BMPR2: variants seen among roughly 807,000 people sequenced by gnomAD.
The protein encoded by BMPR2 is bone morphogenetic protein receptor type-2.
BMPR2 carries 29 observed loss-of-function variants against 100.8 expected under a neutral mutation model. The observed-to-expected ratio is 0.29, with a 90% confidence interval of 0.21 to 0.39. The LOEUF is 0.39. Ranked by LOEUF, BMPR2 falls within the 10% of genes least tolerant of loss-of-function variation. The pLI is 1.00. For synonymous variants in BMPR2, 382 were observed against 442.3 expected (o/e 0.86, Z 1.71); for missense variants, 1,011 against 1,274.5 (o/e 0.79, Z 3.15).
At chr2:202,391,670 T>C (rs944885205) in intron 1 of BMPR2, among the ~76,000 whole-genome samples, 1 of 150,908 alleles carries the variant, frequency 6.6e-6, no homozygotes, top group African/African-American at 2.4e-5. Context: ...CACTGCAGCG[T>C]CTGCCTCCCA....
chr2:202,418,828 A>G (rs571331088), intron 1 of BMPR2, among the ~76,000 whole-genome samples: 2 of 152,336 alleles, frequency 1.3e-5, no homozygotes, highest in South Asian at 4.1e-4. Context: ...CCAGACTGTT[A>G]GTGGATTCTC....
At chr2:202,506,125 A>G (rs1687516048) in intron 3 of BMPR2, among the ~76,000 whole-genome samples, 1 of 151,512 alleles carries the variant, frequency 6.6e-6, no homozygotes, top group African/African-American at 2.4e-5. Context: ...GAGAACAGAA[A>G]GATAGATCCT....
At chr2:202,412,016 A>G (rs893556783) in intron 1 of BMPR2, among the ~76,000 whole-genome samples, 2 of 152,142 alleles carry the variant, frequency 1.3e-5, no homozygotes, top group African/African-American at 2.4e-5. Context: ...GTCAGTGTAC[A>G]TTTCCTGGTT....
At chr2:202,529,328 T>C (rs1395877009) in intron 7 of BMPR2, among the ~76,000 whole-genome samples, 1 of 152,242 alleles carries the variant, frequency 6.6e-6, no homozygotes, top group Non-Finnish European at 1.5e-5. Flanking sequence ...GCAAAATTAT[T>C]GTATGTTCCA....
chr2:202,452,374 T>C (rs1212543194), intron 1 of BMPR2, among the ~76,000 whole-genome samples: 1 of 152,244 alleles, frequency 6.6e-6, no homozygotes, highest in African/African-American at 2.4e-5. Flanking sequence ...ATTTTGTTGA[T>C]CACCAATTTA....
At chr2:202,526,149 A>T (rs1687907659) in intron 7 of BMPR2, among the ~76,000 whole-genome samples, 1 of 152,212 alleles carries the variant, frequency 6.6e-6, no homozygotes, top group Admixed American at 6.5e-5. Flanking sequence ...TACAGGTGTG[A>T]GCCACAGCAC....
chr2:202,454,992 A>G (rs2105950735), intron 1 of BMPR2, among the ~76,000 whole-genome samples: 1 of 152,282 alleles, frequency 6.6e-6, no homozygotes, highest in East Asian at 1.9e-4. Context: ...GCACAGAGAG[A>G]GGAAGCAAGC....
chr2:202,426,727 A>C (rs1180416067), intron 1 of BMPR2, among the ~76,000 whole-genome samples: 1 of 151,934 alleles, frequency 6.6e-6, no homozygotes, highest in Admixed American at 6.6e-5. Context: ...TCAAATATTT[A>C]AAAACTAGCT....
At chr2:202,454,290 C>G (rs1337170593) in intron 1 of BMPR2, among the ~76,000 whole-genome samples, 1 of 152,090 alleles carries the variant, frequency 6.6e-6, no homozygotes, top group Non-Finnish European at 1.5e-5. Flanking sequence ...AGGCTGGTCT[C>G]AAACTCTTGA....
chr2:202,389,687 GC>G (rs778748010), intron 1 of BMPR2, among the ~76,000 whole-genome samples: 2 of 150,680 alleles, frequency 1.3e-5, no homozygotes, highest in African/African-American at 4.9e-5. Flanking sequence ...TCTTGTCCAG[GC>G]TGGAGTGCCA....
intron 11 of BMPR2, among the ~76,000 whole-genome samples, chr2:202,553,382 G>C (rs1329854102): frequency 2.0e-5 from 3 of 151,972 alleles, no homozygotes; most frequent in Non-Finnish European, 4.4e-5. Context: ...TTATATGAAA[G>C]CAATTCAAAG....
intron 11 of BMPR2, 141 bp from the exon 12 acceptor site, chr2:202,555,111 G>C (rs1444997417): frequency 9.0e-6 from 7 of 776,688 alleles, no homozygotes; most frequent in Non-Finnish European, 1.5e-5. Flanking sequence ...TATTTGATTA[G>C]ACTTTTTAAC....
intron 3 of BMPR2, among the ~76,000 whole-genome samples, chr2:202,472,732 A>T (rs1177593330): frequency 3.3e-5 from 5 of 152,202 alleles, no homozygotes; most frequent in African/African-American, 1.2e-4. Context: ...TACATTTCAG[A>T]TTGTTACCTA....
chr2:202,419,284 T>C (rs1691206985), intron 1 of BMPR2, among the ~76,000 whole-genome samples: 1 of 152,220 alleles, frequency 6.6e-6, no homozygotes, highest in Non-Finnish European at 1.5e-5. Context: ...ATGTACTAAT[T>C]AGCGTAACAT....
At chr2:202,534,449 G>A (rs1463099768) in intron 9 of BMPR2, among the ~76,000 whole-genome samples, 1 of 151,638 alleles carries the variant, frequency 6.6e-6, no homozygotes, top group African/African-American at 2.4e-5. Flanking sequence ...AGATTAGGGA[G>A]TGGTGATGAC....
intron 7 of BMPR2, among the ~76,000 whole-genome samples, chr2:202,524,374 A>AC (rs995457990): frequency 8.6e-5 from 13 of 151,738 alleles, no homozygotes; most frequent in South Asian, 2.1e-4. Flanking sequence ...AAAAAAAAAA[A>AC]AAACAACTAC....
At position 202,518,902 on chromosome 2, in the gene BMPR2, T is replaced by C. The variant is rs748607338; in HGVS notation, c.702T>C (p.Phe234=). ...ERPVAVKVFS[F]ANRQNFINEK... ...CAGTTGCTGTAAAAGTGTTTTCCTT[T>C]GCAAACCGTCAGAATTTTATCAACG... Residue 234 remains phenylalanine, a synonymous_variant, in exon 6 of 13, where the codon TTT becomes TTC. Coordinates refer to ENST00000374580, the MANE Select transcript of BMPR2 (RefSeq NM_001204.7). 1.4e-5 allele frequency: 23 copies of C among 1,614,216 alleles called. No individual in the cohort carries two copies. Among genetic ancestry groups the C allele is most frequent in the Non-Finnish European group, 1.9e-5 (22 of 1,180,040 alleles).
intron 9 of BMPR2, among the ~76,000 whole-genome samples, chr2:202,534,370 A>C (rs1335449155): frequency 6.6e-6 from 1 of 151,842 alleles, no homozygotes; most frequent in Non-Finnish European, 1.5e-5. Context: ...ACAAGTGAAC[A>C]AAGGTCTCTG....
At chr2:202,544,753 T>TTTTC (rs1688343568) in intron 10 of BMPR2, among the ~76,000 whole-genome samples, 2 of 134,610 alleles carry the variant, frequency 1.5e-5, no homozygotes, top group African/African-American at 2.7e-5. Flanking sequence ...TCTTTTTTCT[T>TTTTC]TTTCTTTCTT....
Sources: allele counts gnomAD v4.1 joint callset (sites outside exome capture counted in the v4.1 genomes callset), GRCh38; gene constraint gnomAD v4.1.1; transcripts MANE v1.5; gene names NCBI Gene and HGNC (gene_info 2026-07-23, HGNC 2026-07-21).